The following ZNF492 variants were observed in gnomAD, a reference collection of about 807,000 sequenced individuals.
ZNF492 encodes zinc finger protein 115 (Y20).
In ZNF492, 3 loss-of-function variants were observed where a neutral mutation model predicts 6.4. The observed-to-expected ratio is 0.47, with a 90% CI of 0.21 to 1.22. The LOEUF is 1.22. Ranked by LOEUF, ZNF492 falls within the 50% of genes most tolerant of loss-of-function variation. The pLI, the probability that ZNF492 is intolerant of heterozygous loss-of-function variation, is 0.22. For missense variants in ZNF492, 356 were observed against 612.5 expected, an observed-to-expected ratio of 0.58 and a Z score of 4.42; for synonymous variants, 112 against 205.3, an observed-to-expected ratio of 0.55 and a Z score of 3.89.
intron 1 of ZNF492, 69 bp from the exon 2 acceptor site, chr19:22,653,238 T>A: frequency 2.6e-6 from 4 of 1,566,308 alleles, no homozygotes; most frequent in Non-Finnish European, 3.5e-6. Context: ...TTGTTTTACC[T>A]TGAGTCAAAT....
Position 22,665,277 on chromosome 19 carries a change from A to G in ZNF492, c.*12A>G, listed in dbSNP as rs530627676. On this transcript the variant is annotated 3_prime_UTR_variant, in exon 4 of 4. Transcript: ENST00000456783. ...CTGGTGAGAAATAATAGAAATATGA[A>G]TGTGACAAAGCCTTTAAATGGTTAT... 6.5e-7 allele frequency: 1 copy of G among 1,532,516 alleles called. No individual in the cohort carries two copies. The highest frequency in any genetic ancestry group is 2.1e-5 in the Admixed American group (1 of 47,136). 94.9% of individuals were successfully genotyped at this position (1,532,516 alleles called of 1,614,324 possible).
At chr19:22,658,560 A>G (rs1972021496) in intron 3 of ZNF492, among the ~76,000 whole-genome samples, 1 of 141,880 alleles carries the variant, frequency 7.0e-6, no homozygotes, top group African/African-American at 2.9e-5. Flanking sequence ...TGTTTCTAAG[A>G]GTATAACTGC....
chr19:22,663,014 C>G (rs965346536), intron 3 of ZNF492, among the ~76,000 whole-genome samples: 1 of 152,130 alleles, frequency 6.6e-6, no homozygotes, highest in African/African-American at 2.4e-5. Context: ...TTGCCCATAC[C>G]TATGTCCTGA....
intron 2 of ZNF492, among the ~76,000 whole-genome samples, chr19:22,653,659 G>A (rs1971964981): frequency 6.6e-6 from 1 of 151,938 alleles, no homozygotes; most frequent in South Asian, 2.1e-4. Flanking sequence ...GTTAATTTTA[G>A]AAATTTAGTG....
chr19:22,652,734 C>A (rs1231984890), intron 1 of ZNF492, among the ~76,000 whole-genome samples: 1 of 151,986 alleles, frequency 6.6e-6, no homozygotes, highest in Non-Finnish European at 1.5e-5. Flanking sequence ...CTCTCGCCTC[C>A]ACGCCCGGCT....
At position 22,644,497 on chromosome 19, in the gene ZNF492, TGTTA is replaced by T. The variant is rs542944917; in HGVS notation, c.-93-8806_-93-8803del. On this transcript the variant is annotated intron_variant, in intron 1 of 3. Transcript: ENST00000456783. ...TGCGGTTTTTGGTTTTCTATCCCTG[TGTTA>T]GTTTGCTGAGGATGATGACTTCCAG... 1.7e-3 allele frequency among the ~76,000 whole-genome samples: 253 copies of T among 152,296 alleles called. 1 individual carries two copies. Among genetic ancestry groups the T allele is most frequent in the African/African-American group, 5.9e-3 (244 of 41,570 alleles).
At chr19:22,646,237 A>G (rs1315307431) in intron 1 of ZNF492, among the ~76,000 whole-genome samples, 3 of 152,084 alleles carry the variant, frequency 2.0e-5, no homozygotes, top group African/African-American at 7.2e-5. Flanking sequence ...GGTCCTTCAC[A>G]TTCCTTGTTA....
chr19:22,636,062 T>C (rs1971758435), intron 1 of ZNF492, among the ~76,000 whole-genome samples: 1 of 120,152 alleles, frequency 8.3e-6, no homozygotes, highest in Admixed American at 8.6e-5. Flanking sequence ...TTGTTCCCTC[T>C]TTGTGTTTAC....
chr19:22,637,036 ATC>A (rs998771344), intron 1 of ZNF492, among the ~76,000 whole-genome samples: 2 of 147,274 alleles, frequency 1.4e-5, no homozygotes, highest in African/African-American at 5.1e-5. Context: ...ACTCACTGCA[ATC>A]TCTGCCTCCT....
Position 22,666,942 on chromosome 19 carries a change from A to AAC in ZNF492, c.*1679_*1680dup, listed in dbSNP as rs1358287231. On this transcript the variant is annotated 3_prime_UTR_variant, in exon 4 of 4. Coordinates refer to ENST00000456783, the MANE Select transcript of ZNF492 (RefSeq NM_020855.3). ...CTCAAGGGTGTAGGTAAAAGGTGGT[A>AAC]ACAAGGCCGGGCACGGTGGCTCACG... 1.3e-5 allele frequency: 2 copies of AAC among 152,082 alleles called. No homozygotes were observed. The highest frequency in any genetic ancestry group is 2.9e-5 in the Non-Finnish European group (2 of 68,018). The allele number at this position is 152,082 out of a possible 1,614,324, so 9.4% of individuals were successfully genotyped here. A position where few individuals can be genotyped will look rare whatever the true frequency, so the allele number is the denominator to read the frequency against.
intron 1 of ZNF492, 91 bp downstream of exon 1, chr19:22,634,565 C>A: frequency 8.3e-7 from 1 of 1,199,498 alleles, no homozygotes; most frequent in Non-Finnish European, 1.2e-6. Context: ...GGCCTCCCCG[C>A]AGTCGGCTCC....
chr19:22,650,407 A>G (rs1207916259), intron 1 of ZNF492, among the ~76,000 whole-genome samples: 1 of 151,632 alleles, frequency 6.6e-6, no homozygotes, highest in African/African-American at 2.4e-5. Context: ...GGCATGAGGA[A>G]CAGAACCCAT....
rs956942235 is a variant in ZNF492 at position 22,666,402 on chromosome 19, G to C, written c.*1137G>C. 4 of 152,096 alleles carry C rather than the reference G, an allele frequency of 2.6e-5. No homozygotes were observed. Among genetic ancestry groups the C allele is most frequent in the African/African-American group, 9.7e-5 (4 of 41,406 alleles). 9.4% of individuals were successfully genotyped at this position (152,096 alleles called of 1,614,324 possible). A position where few individuals can be genotyped will look rare whatever the true frequency, so the allele number is the denominator to read the frequency against. On this transcript the variant is annotated 3_prime_UTR_variant, in exon 4 of 4. Transcript: ENST00000456783. The stretch of plus-strand genomic sequence containing the variant: ...GCCAGGGTTTTGCCATGTTGGCCAG[G>C]CTGGTCTCGAACTCGAGACTTTAGG...
In ZNF492 at chr19:22,665,001, T is replaced by G. The variant is rs747502475; in HGVS notation, c.1332T>G (p.Thr444=). The G allele has an allele frequency of 1.9e-6, 3 of 1,585,494 alleles. No homozygotes were observed. In the East Asian group the frequency reaches 6.8e-5, roughly 36 times the overall value. Residue 444 remains threonine (T), a synonymous_variant, in exon 4 of 4, where the codon ACT becomes ACG. Transcript: ENST00000456783. ...STLSKHKVIH[T]GEKPYKYEEC... The stretch of plus-strand genomic sequence containing the variant: ...TTTCTAAACATAAGGTAATTCATAC[T>G]GGAGAGAAGCCCTACAAATATGAAG...
At chr19:22,636,514 C>CTGTG (rs141601969) in intron 1 of ZNF492, among the ~76,000 whole-genome samples, 2,923 of 147,284 alleles carry the variant, frequency 0.02, 73 homozygotes, top group African/African-American at 0.061. Flanking sequence ...ACATGATCTT[C>CTGTG]TGTGTGTGTG....
chr19:22,635,028 A>G (rs1971746386), intron 1 of ZNF492, among the ~76,000 whole-genome samples: 1 of 152,100 alleles, frequency 6.6e-6, no homozygotes, highest in Non-Finnish European at 1.5e-5. Flanking sequence ...AAATTCAATA[A>G]TCGGTTAGGT....
chr19:22,641,091 A>G (rs1048562250), intron 1 of ZNF492, among the ~76,000 whole-genome samples: 1 of 152,012 alleles, frequency 6.6e-6, no homozygotes, highest in African/African-American at 2.4e-5. Context: ...ATAGTTTTTC[A>G]TGTCAAAATC....
At position 22,661,960 on chromosome 19, in the gene ZNF492, T is replaced by G. The variant is rs139331623; in HGVS notation, c.131-1840T>G. Among the ~76,000 whole-genome samples, 1,142 of 152,318 alleles carry G rather than the reference T, an allele frequency of 7.5e-3. 10 individuals are homozygous for G. The highest frequency in any genetic ancestry group is 0.026 in the African/African-American group (1,081 of 41,564). ...TGTAGTACCACAGTCTTTCTGCTGC[T>G]GTAAAACTTACCTTTCTTATTTATT... On this transcript the variant is annotated intron_variant, in intron 3 of 3. Transcript: ENST00000456783.
At position 22,665,090 on chromosome 19, in the gene ZNF492, A is replaced by G. The variant is rs1472972103; in HGVS notation, c.1421A>G (p.Glu474Gly). 6.2e-7 allele frequency: 1 copy of G among 1,608,494 alleles called. No individual in the cohort carries two copies. The highest frequency in any genetic ancestry group is 1.7e-5 in the Admixed American group (1 of 59,760). ...LTTHKMIHTG[E>G]KPYKCEECGK... is the part of the protein sequence containing the mutation. ...ACACATAAGATGATTCATACTGGAG[A>G]GAAACCCTACAAGTGTGAAGAATGT... The change falls in exon 4 of 4, where the codon GAG (glutamate) becomes GGG (glycine). Residue 474 changes from glutamate (E) to glycine (G), a missense_variant. Coordinates refer to ENST00000456783, the MANE Select transcript of ZNF492 (RefSeq NM_020855.3).
Sources: gnomAD v4.1 joint callset for allele counts (sites outside exome capture counted in the v4.1 genomes callset) on GRCh38, gnomAD v4.1.1 for gene constraint, MANE v1.5 for transcripts, NCBI Gene and HGNC (gene_info 2026-07-23, HGNC 2026-07-21) for gene names.